Variants in CHRM3 observed in about 807,000 individuals in gnomAD.
CHRM3 encodes cholinergic receptor muscarinic 3.
In CHRM3, 11 loss-of-function variants were observed where a neutral mutation model predicts 41.8. The observed-to-expected ratio is 0.26, with a 90% CI of 0.17 to 0.44. The LOEUF (loss-of-function observed/expected upper bound fraction) is 0.44. Ranked by LOEUF, CHRM3 falls within the 20% of genes least tolerant of loss-of-function variation. The pLI, the probability that CHRM3 is intolerant of heterozygous loss-of-function variation, is 1.00. For synonymous variants in CHRM3, 297 were observed against 301.4 expected, an observed-to-expected ratio of 0.99 and a Z score of 0.15; for missense variants, 571 against 745.4, an observed-to-expected ratio of 0.77 and a Z score of 2.72.
intron 5 of CHRM3, among the ~76,000 whole-genome samples, chr1:239,808,808 A>G (rs1670872628): frequency 6.6e-6 from 1 of 152,042 alleles, no homozygotes; most frequent in Non-Finnish European, 1.5e-5. Flanking sequence ...CTCTTAGAAA[A>G]CCCATCAGAA....
chr1:239,893,620 C>T (rs1474290420), intron 6 of CHRM3, among the ~76,000 whole-genome samples: 1 of 151,460 alleles, frequency 6.6e-6, no homozygotes, highest in Non-Finnish European at 1.5e-5. Flanking sequence ...TAGAAAAGCA[C>T]AGAGGTTCCT....
chr1:239,650,436 AAC>A (rs1471429179), intron 4 of CHRM3, among the ~76,000 whole-genome samples: 1 of 152,218 alleles, frequency 6.6e-6, no homozygotes, highest in Non-Finnish European at 1.5e-5. Context: ...TCAAGCTCCT[AAC>A]ACACAGTAAA....
At chr1:239,632,096 C>T (rs1228947661) in intron 3 of CHRM3, 128 bp from the exon 4 acceptor site, 1 of 152,196 alleles carries the variant, frequency 6.6e-6, no homozygotes, top group Non-Finnish European at 1.5e-5. Flanking sequence ...TCACTTCCAA[C>T]TCAAAAATTC....
chr1:239,761,443 A>AT (rs1317364552), intron 5 of CHRM3, among the ~76,000 whole-genome samples: 1 of 152,066 alleles, frequency 6.6e-6, no homozygotes, highest in African/African-American at 2.4e-5. Flanking sequence ...GGATTCTTTT[A>AT]TTTGATACCA....
intron 1 of CHRM3, among the ~76,000 whole-genome samples, chr1:239,423,744 T>C (rs1662136465): frequency 6.6e-6 from 1 of 152,116 alleles, no homozygotes; most frequent in Non-Finnish European, 1.5e-5. Flanking sequence ...ATTATTATCA[T>C]ATTTTTTCTA....
At chr1:239,660,741 C>G (rs1673121594) in intron 4 of CHRM3, among the ~76,000 whole-genome samples, 1 of 152,052 alleles carries the variant, frequency 6.6e-6, no homozygotes, top group Admixed American at 6.6e-5. Flanking sequence ...AACAATTACC[C>G]AGTGTGATGG....
chr1:239,396,926 G>A (rs887773220), intron 1 of CHRM3, among the ~76,000 whole-genome samples: 3 of 152,140 alleles, frequency 2.0e-5, no homozygotes, highest in African/African-American at 7.2e-5. Flanking sequence ...TGATTTAACT[G>A]CATAAAAACC....
rs541095677 is a variant in CHRM3 at position 239,707,710 on chromosome 1, G to A, written c.-147+29422G>A. On this transcript the variant is annotated intron_variant, in intron 5 of 6. Transcript: ENST00000676153. ...AGTTTTTTTGTACTCCATAATTCCA[G>A]TAGACATTTTCTGGGCAAGAGAGTT... 1.8e-4 allele frequency: 28 copies of A among 152,138 alleles called. No homozygotes were observed. The South Asian group carries it at 5.6e-3, about 30-fold the overall frequency. The allele number at this position is 152,138 out of a possible 1,614,324, so 9.4% of individuals were successfully genotyped here.
intron 3 of CHRM3, among the ~76,000 whole-genome samples, chr1:239,549,877 C>T (rs974631288): frequency 1.3e-4 from 19 of 151,696 alleles, no homozygotes; most frequent in African/African-American, 4.1e-4. Flanking sequence ...TACTACAGTG[C>T]GATTCTGAGA....
chr1:239,716,630 A>T (rs1034393182), intron 5 of CHRM3, among the ~76,000 whole-genome samples: 3 of 152,102 alleles, frequency 2.0e-5, no homozygotes, highest in Non-Finnish European at 4.4e-5. Context: ...CAAGAGAGTG[A>T]ATAAATAATA....
intron 4 of CHRM3, among the ~76,000 whole-genome samples, chr1:239,650,098 G>A (rs1672103002): frequency 6.6e-6 from 1 of 152,154 alleles, no homozygotes; most frequent in Non-Finnish European, 1.5e-5. Context: ...ACTGGGAGGT[G>A]TCCTGTGCAA....
intron 4 of CHRM3, among the ~76,000 whole-genome samples, chr1:239,665,815 G>T (rs141559046): frequency 3.4e-3 from 512 of 152,206 alleles, no homozygotes; most frequent in African/African-American, 0.012. Context: ...ATGGTTTCCA[G>T]CTTCATCCAT....
rs1680200614 is a variant in CHRM3, at chr1:239,909,068, G to C, written c.1617G>C (p.Val539=). The change falls in exon 7 of 7, where the codon GTG becomes GTC. Residue 539 remains valine (V), a synonymous_variant. Coordinates refer to ENST00000676153, the MANE Select transcript of CHRM3 (RefSeq NM_001375978.1). ...GYWLCYINST[V]NPVCYALCNK... ...GGCTGTGCTACATCAACAGCACCGT[G>C]AACCCCGTGTGCTATGCTCTGTGCA... 6.2e-7 allele frequency: 1 copy of C among 1,613,978 alleles called. No individual in the cohort carries two copies. The highest frequency in any genetic ancestry group is 1.7e-5 in the Admixed American group (1 of 59,994).
At chr1:239,783,388 G>A (rs539614403) in intron 5 of CHRM3, among the ~76,000 whole-genome samples, 6 of 152,164 alleles carry the variant, frequency 3.9e-5, no homozygotes, top group African/African-American at 1.4e-4. Context: ...TATCTATGTT[G>A]AAAATAGAAT....
chr1:239,523,669 C>G (rs949460648), intron 2 of CHRM3, among the ~76,000 whole-genome samples: 5 of 152,036 alleles, frequency 3.3e-5, no homozygotes, highest in African/African-American at 1.2e-4. Context: ...GAACCAGGAA[C>G]AAAAAGTGTA....
intron 5 of CHRM3, chr1:239,703,074 T>C (rs1660831325): frequency 1.3e-5 from 2 of 152,196 alleles, no homozygotes; most frequent in African/African-American, 4.8e-5. Context: ...AACTTTAGGC[T>C]TTATGGCAGT....
intron 2 of CHRM3, among the ~76,000 whole-genome samples, chr1:239,511,588 G>A (rs926091359): frequency 1.3e-5 from 2 of 152,126 alleles, no homozygotes; most frequent in African/African-American, 2.4e-5. Flanking sequence ...TTTCAACTAT[G>A]AGGAATTTAA....
Position 239,750,389 on chromosome 1 carries a change from G to A in CHRM3, c.-147+72101G>A, listed in dbSNP as rs563142236. Among the ~76,000 whole-genome samples the A allele has an allele frequency of 5.9e-5, 9 of 152,342 alleles. No individual in the cohort carries two copies. The South Asian group carries it at 1.4e-3, about 25-fold the overall frequency. ...GTGATACATATTATTGTAATCAAATGTAGTTTTGCAATTTATTTAGAAGTC... is the reference window on the plus strand; with the variant it reads ...GTGATACATATTATTGTAATCAAATATAGTTTTGCAATTTATTTAGAAGTC... On this transcript the variant is annotated intron_variant, in intron 5 of 6. Coordinates refer to ENST00000676153, the MANE Select transcript of CHRM3 (RefSeq NM_001375978.1).
At chr1:239,522,538 AC>A (rs1669722900) in intron 2 of CHRM3, among the ~76,000 whole-genome samples, 1 of 152,228 alleles carries the variant, frequency 6.6e-6, no homozygotes, top group South Asian at 2.1e-4. Flanking sequence ...ATTTTAAGCT[AC>A]CACCTTTTGG....
Sources: gnomAD v4.1 joint callset for allele counts (sites outside exome capture counted in the v4.1 genomes callset) on GRCh38, gnomAD v4.1.1 for gene constraint, MANE v1.5 for transcripts, NCBI Gene and HGNC (gene_info 2026-07-23, HGNC 2026-07-21) for gene names.